Variants in IARS1 observed in about 807,000 individuals in gnomAD.
IARS1 encodes isoleucine--tRNA ligase, cytoplasmic.
A neutral mutation model predicts 168.2 loss-of-function variants in IARS1; 124 were observed. That is an observed-to-expected ratio of 0.74 (90% CI 0.64 to 0.86). The LOEUF (loss-of-function observed/expected upper bound fraction) is 0.86. Ranked by LOEUF, IARS1 falls within the 40% of genes least tolerant of loss-of-function variation. The probability of loss-of-function intolerance (pLI) is 0.00; values close to 1 mark genes in which losing one functional copy is unlikely to be tolerated. For synonymous variants in IARS1, 532 were observed against 529.4 expected (o/e 1.00, Z -0.07); for missense variants, 1,452 against 1,515.8 (o/e 0.96, Z 0.70).
At chr9:92,286,458 T>A (rs1459476463) in intron 5 of IARS1, 78 bp downstream of exon 5, 3 of 735,308 alleles carry the variant, frequency 4.1e-6, no homozygotes, top group Non-Finnish European at 7.0e-6. Context: ...ATAAACTGAT[T>A]CATGCTAGTG....
At chr9:92,281,976 C>T (rs2133950559) in intron 6 of IARS1, among the ~76,000 whole-genome samples, 1 of 151,948 alleles carries the variant, frequency 6.6e-6, no homozygotes, top group East Asian at 1.9e-4. Context: ...TTCTTTCCTT[C>T]TTTTTTTCTT....
intron 4 of IARS1, among the ~76,000 whole-genome samples, chr9:92,286,917 T>C (rs933227428): frequency 1.2e-4 from 18 of 152,092 alleles, no homozygotes; most frequent in Non-Finnish European, 2.6e-4. Context: ...AAACCATCCA[T>C]GGATGTTAAA....
At chr9:92,251,306 G>T (rs1829981742) in intron 22 of IARS1, 2 of 327,902 alleles carry the variant, frequency 6.1e-6, no homozygotes, top group South Asian at 2.6e-5. Flanking sequence ...AAGGAAACAG[G>T]ATAAAAAGAA....
At chr9:92,218,006 A>T (rs1392122371) in intron 33 of IARS1, among the ~76,000 whole-genome samples, 1 of 152,096 alleles carries the variant, frequency 6.6e-6, no homozygotes, top group Admixed American at 6.5e-5. Flanking sequence ...CTTGATGAAC[A>T]TTGATGCAAA....
chr9:92,210,609 G>A lies in IARS1; in HGVS notation c.*198C>T, dbSNP rs190530483. ...CAACATGACTGCATAGGTGTCTAAG[G>A]TTAAGTGTGAAGATTACTGTGAGGT... On this transcript the variant is annotated 3_prime_UTR_variant, in exon 34 of 34. Transcript: ENST00000443024. The A allele has an allele frequency of 9.7e-5, 51 of 527,010 alleles. No homozygotes were observed. The highest frequency in any genetic ancestry group is 1.6e-4 in the Non-Finnish European group (46 of 289,932). The allele number at this position is 527,010 out of a possible 1,614,324, so 32.6% of individuals were successfully genotyped here.
At chr9:92,282,728 C>T (rs1208235955) in intron 6 of IARS1, among the ~76,000 whole-genome samples, 1 of 151,788 alleles carries the variant, frequency 6.6e-6, no homozygotes, top group African/African-American at 2.4e-5. Context: ...TGTGTTTGCA[C>T]CATTGCATTC....
At chr9:92,252,135 A>T (rs1830088022) in intron 21 of IARS1, among the ~76,000 whole-genome samples, 1 of 152,186 alleles carries the variant, frequency 6.6e-6, no homozygotes, top group African/African-American at 2.4e-5. Context: ...TCCCCACCTG[A>T]GGCGAGCTGA....
intron 31 of IARS1, among the ~76,000 whole-genome samples, chr9:92,227,707 G>C (rs1268110386): frequency 1.3e-5 from 2 of 151,608 alleles, no homozygotes; most frequent in Non-Finnish European, 2.9e-5. Flanking sequence ...GAGGCAGCAG[G>C]GCAGAGGCGC....
intron 30 of IARS1, among the ~76,000 whole-genome samples, chr9:92,238,000 G>T (rs1414703652): frequency 6.6e-6 from 1 of 152,032 alleles, no homozygotes; most frequent in Non-Finnish European, 1.5e-5. Flanking sequence ...CCGCCTCCCG[G>T]GTTCAAGCGA....
chr9:92,242,129 T>C, intron 29 of IARS1, 25 bp downstream of exon 29: 2 of 1,579,468 alleles, frequency 1.3e-6, no homozygotes, highest in Non-Finnish European at 8.7e-7. Flanking sequence ...CCTTTAGTAG[T>C]AGTTCAGTGG....
At chr9:92,216,302 C>T (rs1335599482) in intron 33 of IARS1, among the ~76,000 whole-genome samples, 5 of 151,374 alleles carry the variant, frequency 3.3e-5, no homozygotes, top group Admixed American at 6.6e-5. Context: ...CAACCGGTAC[C>T]AGCTGCTGCA....
In IARS1 at chr9:92,269,949, T is replaced by C; in HGVS notation, c.1240A>G (p.Ser414Gly). 6.2e-7 allele frequency: 1 copy of C among 1,613,744 alleles called. No homozygotes were observed. Among genetic ancestry groups the C allele is most frequent in the Non-Finnish European group, 8.5e-7 (1 of 1,179,678 alleles). ...DTPLIYKAVP[S>G]WFVRVENMVD... ...ATGTTCTCCACTCGCACAAACCAGC[T>C]GGGCACTGCTTTGTAAATTAGAGGA... Residue 414 changes from serine to glycine, a missense_variant, in exon 13 of 34, where the codon AGC becomes GGC. Physicochemically the swap from Ser to Gly is moderately conservative, Grantham distance 56. Transcript: ENST00000443024.
intron 4 of IARS1, among the ~76,000 whole-genome samples, chr9:92,287,194 TGA>T (rs763054972): frequency 8.5e-5 from 13 of 152,154 alleles, no homozygotes; most frequent in African/African-American, 2.2e-4. Context: ...CCTCACACAT[TGA>T]GAGACATTAT....
intron 18 of IARS1, among the ~76,000 whole-genome samples, 156 bp downstream of exon 18, chr9:92,259,995 T>TA (rs143278834): frequency 6.6e-5 from 10 of 152,204 alleles, no homozygotes; most frequent in Non-Finnish European, 1.2e-4. Context: ...TTTGGGGGTT[T>TA]AAAATCAACA....
chr9:92,257,207 G>A (rs1830850655), intron 19 of IARS1, among the ~76,000 whole-genome samples: 1 of 152,198 alleles, frequency 6.6e-6, no homozygotes, highest in South Asian at 2.1e-4. Flanking sequence ...TCCATGCTAA[G>A]GCTGTTCATT....
chr9:92,261,265 C>T (rs4743870), intron 17 of IARS1, among the ~76,000 whole-genome samples: 159 of 151,924 alleles, frequency 1.0e-3, no homozygotes, highest in Middle Eastern at 3.4e-3. Flanking sequence ...GCCGAGATCA[C>T]GCCACTACAC....
In IARS1 at chr9:92,223,625, T is replaced by A. The variant is rs553986881; in HGVS notation, c.3410-136A>T. 305 of 699,820 alleles carry A rather than the reference T, an allele frequency of 4.4e-4. 1 individual carries two copies. Among genetic ancestry groups the A allele is most frequent in the Non-Finnish European group, 5.1e-4 (222 of 433,986 alleles). The allele number at this position is 699,820 out of a possible 1,614,324, so 43.4% of individuals were successfully genotyped here. ...CTTAATTTCTGTTTATCAAGAGACA[T>A]TGCCTTTTCTATAAAACCAGCCTTT... On this transcript the variant is annotated intron_variant, in intron 31 of 33. Coordinates refer to ENST00000443024, the MANE Select transcript of IARS1 (RefSeq NM_002161.6).
At chr9:92,270,287 C>T (rs1454406720) in intron 12 of IARS1, among the ~76,000 whole-genome samples, 1 of 152,160 alleles carries the variant, frequency 6.6e-6, no homozygotes, top group Non-Finnish European at 1.5e-5. Context: ...AAACCAAACA[C>T]GATGCAACTG....
chr9:92,240,369 T>C, intron 30 of IARS1: 2 of 317,634 alleles, frequency 6.3e-6, no homozygotes, highest in Non-Finnish European at 1.2e-5. Context: ...GTTCAAGAAA[T>C]TCTCATGCCT....
Sources: allele counts gnomAD v4.1 joint callset (sites outside exome capture counted in the v4.1 genomes callset), GRCh38; gene constraint gnomAD v4.1.1; transcripts MANE v1.5; gene names NCBI Gene and HGNC (gene_info 2026-07-23, HGNC 2026-07-21).